Variants in LRFN5 observed in about 807,000 individuals in gnomAD.
LRFN5 encodes the protein leucine rich repeat and fibronectin type III domain containing 5.
A neutral mutation model predicts 45.6 loss-of-function variants in LRFN5; 24 were observed. The ratio of observed to expected loss-of-function variants is 0.53; its 90% CI spans 0.38 to 0.74. LRFN5 has a LOEUF of 0.74. Ranked by LOEUF, LRFN5 falls within the 30% of genes least tolerant of loss-of-function variation. The probability of loss-of-function intolerance (pLI) is 0.00; values close to 1 mark genes in which losing one functional copy is unlikely to be tolerated. For synonymous variants in LRFN5, 340 were observed against 313.8 expected (o/e 1.08, Z -0.88); for missense variants, 776 against 861.5 (o/e 0.90, Z 1.24).
Position 41,886,667 on chromosome 14 carries a change from A to C in LRFN5, c.42A>C (p.Ala14=). The stretch of plus-strand genomic sequence containing the variant: ...TTTATCTGTTTCTCATTGGCATAGC[A>C]GTGAAAGCTCAGATCTGTCCAAAGC... ...ILFYLFLIGI[A]VKAQICPKRC... Residue 14 remains alanine, a synonymous_variant, in exon 3 of 6, where the codon GCA becomes GCC. Transcript: ENST00000298119. 1 of 1,603,370 alleles carries C rather than the reference A, an allele frequency of 6.2e-7. No homozygotes were observed. Among genetic ancestry groups the C allele is most frequent in the South Asian group, 1.1e-5 (1 of 88,292 alleles).
chr14:41,622,022 C>G (rs1888152337), intron 1 of LRFN5, among the ~76,000 whole-genome samples: 1 of 152,020 alleles, frequency 6.6e-6, no homozygotes, highest in Non-Finnish European at 1.5e-5. Context: ...AGTTGTTTGA[C>G]TTGGCTCATG....
At chr14:41,695,441 G>A (rs988114060) in intron 1 of LRFN5, among the ~76,000 whole-genome samples, 1 of 151,906 alleles carries the variant, frequency 6.6e-6, no homozygotes, top group African/African-American at 2.4e-5. Context: ...GGAAAAAGAG[G>A]CCATCTAGGA....
At chr14:41,844,360 C>A (rs189903544) in intron 2 of LRFN5, among the ~76,000 whole-genome samples, 2,488 of 151,320 alleles carry the variant, frequency 0.016, 66 homozygotes, top group African/African-American at 0.058. Flanking sequence ...TGGCGTGAAC[C>A]CAGGAGGCAG....
intron 4 of LRFN5, 63 bp from the exon 5 acceptor site, chr14:41,898,853 GT>G: frequency 7.0e-7 from 1 of 1,432,872 alleles, no homozygotes; most frequent in Admixed American, 1.9e-5. Context: ...TCAGTAAGAG[GT>G]TTTTTGAATC....
At chr14:41,774,211 C>A (rs1054621315) in intron 2 of LRFN5, among the ~76,000 whole-genome samples, 1 of 152,164 alleles carries the variant, frequency 6.6e-6, no homozygotes, top group Non-Finnish European at 1.5e-5. Context: ...TGGAAACAAT[C>A]CAATTTGTAC....
At chr14:41,775,702 A>T (rs1285392658) in intron 2 of LRFN5, among the ~76,000 whole-genome samples, 2 of 152,212 alleles carry the variant, frequency 1.3e-5, no homozygotes, top group Non-Finnish European at 2.9e-5. Flanking sequence ...AAATGCATTC[A>T]TTATTTATAA....
chr14:41,749,920 A>T (rs901329492), intron 1 of LRFN5, among the ~76,000 whole-genome samples: 1 of 152,178 alleles, frequency 6.6e-6, no homozygotes, highest in African/African-American at 2.4e-5. Flanking sequence ...CTGATGTTAG[A>T]CAACTAGCAC....
intron 2 of LRFN5, among the ~76,000 whole-genome samples, chr14:41,815,445 G>A (rs1887883730): frequency 6.6e-6 from 1 of 152,082 alleles, no homozygotes; most frequent in South Asian, 2.1e-4. Context: ...TTTAAAGTGG[G>A]TTTCTTGTCT....
chr14:41,624,217 G>A (rs61625810), intron 1 of LRFN5, among the ~76,000 whole-genome samples: 216 of 152,036 alleles, frequency 1.4e-3, no homozygotes, highest in African/African-American at 5.1e-3. Flanking sequence ...AATATTTTAA[G>A]TATAGTCCAA....
chr14:41,631,545 T>C (rs1053785712), intron 1 of LRFN5, among the ~76,000 whole-genome samples: 1 of 152,160 alleles, frequency 6.6e-6, no homozygotes, highest in East Asian at 1.9e-4. Flanking sequence ...AAGATTTAAA[T>C]ATATAAAATA....
chr14:41,681,500 G>T (rs916787451), intron 1 of LRFN5, among the ~76,000 whole-genome samples: 1 of 151,642 alleles, frequency 6.6e-6, no homozygotes, highest in Admixed American at 6.6e-5. Context: ...AAAACCAAAC[G>T]GAACAAAAAA....
At chr14:41,848,157 A>G (rs1889133162) in intron 2 of LRFN5, among the ~76,000 whole-genome samples, 1 of 152,092 alleles carries the variant, frequency 6.6e-6, no homozygotes, top group African/African-American at 2.4e-5. Flanking sequence ...ATATTAAAGG[A>G]TCATTACCAA....
chr14:41,805,717 G>A (rs774270875), intron 2 of LRFN5, among the ~76,000 whole-genome samples: 26 of 151,972 alleles, frequency 1.7e-4, no homozygotes, highest in South Asian at 6.2e-4. Flanking sequence ...GTAAACTATC[G>A]CAAGAACAAA....
intron 1 of LRFN5, among the ~76,000 whole-genome samples, chr14:41,635,582 C>G (rs2138586912): frequency 6.6e-6 from 1 of 152,130 alleles, no homozygotes; most frequent in South Asian, 2.1e-4. Context: ...AAGATAAGAT[C>G]AAGTTGTTAG....
At chr14:41,627,899 T>C (rs1888387815) in intron 1 of LRFN5, among the ~76,000 whole-genome samples, 1 of 152,150 alleles carries the variant, frequency 6.6e-6, no homozygotes, top group Admixed American at 6.5e-5. Flanking sequence ...TTTTTTTCTC[T>C]TGAGAAACAA....
chr14:41,726,877 A>G lies in LRFN5; in HGVS notation c.-196-39977A>G, dbSNP rs905856632. 4.6e-5 allele frequency among the ~76,000 whole-genome samples: 7 copies of G among 152,326 alleles called. No individual in the cohort carries two copies. The East Asian group carries it at 1.2e-3, about 25-fold the overall frequency. On this transcript the variant is annotated intron_variant, in intron 1 of 5. Coordinates refer to ENST00000298119, the MANE Select transcript of LRFN5 (RefSeq NM_152447.5). ...CAGAGCAATATAGGACTATAGTAAG[A>G]GTGTAGACAAAAGGCTGTAATTGTA... is the stretch of plus-strand genomic sequence containing the variant.
chr14:41,637,709 AT>A (rs1879373721), intron 1 of LRFN5, among the ~76,000 whole-genome samples: 1 of 152,130 alleles, frequency 6.6e-6, no homozygotes, highest in African/African-American at 2.4e-5. Context: ...AGATAAGTGA[AT>A]TTTGCAGCTT....
In LRFN5 at chr14:41,880,415, A is replaced by G. The variant is rs1357164787; in HGVS notation, c.-20-6191A>G. On this transcript the variant is annotated intron_variant, in intron 2 of 5. Coordinates refer to ENST00000298119, the MANE Select transcript of LRFN5 (RefSeq NM_152447.5). Reference sequence around the variant, plus strand: ...GATTTTAAACCATGTTTTCTTTCTAATAATATATTTAGTCTGAATCACCAT... The same window carrying G: ...GATTTTAAACCATGTTTTCTTTCTAGTAATATATTTAGTCTGAATCACCAT... Among the ~76,000 whole-genome samples, 3 of 151,968 alleles carry G rather than the reference A, an allele frequency of 2.0e-5. No individual in the cohort carries two copies. In the East Asian group the frequency reaches 5.8e-4, roughly 29 times the overall value.
Position 41,891,913 on chromosome 14 carries a change from C to T in LRFN5, c.2049C>T (p.Pro683=), listed in dbSNP as rs559959500. 53 of 1,614,062 alleles carry T rather than the reference C, an allele frequency of 3.3e-5. No homozygotes were observed. In the East Asian group the frequency reaches 9.1e-4, roughly 28 times the overall value. Residue 683 remains proline, a synonymous_variant, in exon 4 of 6, where the codon CCC becomes CCT. Transcript: ENST00000298119. ...CCTTGCAGTTAGCTAGCCGTCCTCCCGATTCTGTCACAGAGGGGCCCACGT... is the reference window on the plus strand; with the variant it reads ...CCTTGCAGTTAGCTAGCCGTCCTCCTGATTCTGTCACAGAGGGGCCCACGT... ...STALQLASRP[P]DSVTEGPTSK... is the part of the protein sequence containing the mutation.
Sources: gnomAD v4.1 joint callset for allele counts (sites outside exome capture counted in the v4.1 genomes callset) on GRCh38, gnomAD v4.1.1 for gene constraint, MANE v1.5 for transcripts, NCBI Gene and HGNC (gene_info 2026-07-23, HGNC 2026-07-21) for gene names.